PDE10A: variants seen among roughly 807,000 people sequenced by gnomAD.
The protein encoded by PDE10A is phosphodiesterase 10A, also known as cAMP and cAMP-inhibited cGMP 3',5'-cyclic phosphodiesterase 10A.
In PDE10A, 39 loss-of-function variants were observed where a neutral mutation model predicts 97.7. That is an observed-to-expected ratio of 0.40 (90% CI 0.31 to 0.52). The LOEUF (loss-of-function observed/expected upper bound fraction) is 0.52. Ranked by LOEUF, PDE10A falls within the 20% of genes least tolerant of loss-of-function variation. The pLI is 0.56. For synonymous variants in PDE10A, 371 were observed against 376.8 expected, an observed-to-expected ratio of 0.98 and a Z score of 0.18; for missense variants, 731 against 1,047.8, an observed-to-expected ratio of 0.70 and a Z score of 4.17.
intron 1 of PDE10A, among the ~76,000 whole-genome samples, chr6:165,773,488 AAT>A (rs1778073836): frequency 6.6e-6 from 1 of 152,206 alleles, no homozygotes; most frequent in Non-Finnish European, 1.5e-5. Context: ...TAAGCTTGAA[AAT>A]ATATAATTTA....
chr6:165,599,035 C>T (rs1244346036), intron 1 of PDE10A, among the ~76,000 whole-genome samples: 1 of 152,186 alleles, frequency 6.6e-6, no homozygotes, highest in Non-Finnish European at 1.5e-5. Context: ...CCAGATCAGC[C>T]TTAACTGTAA....
chr6:165,958,353 A>G (rs1218736016), intron 1 of PDE10A, among the ~76,000 whole-genome samples: 1 of 151,930 alleles, frequency 6.6e-6, no homozygotes, highest in Non-Finnish European at 1.5e-5. Context: ...CACTTGGCCT[A>G]CAATTTCAAA....
intron 1 of PDE10A, among the ~76,000 whole-genome samples, chr6:165,627,228 T>A (rs1275921121): frequency 2.0e-5 from 3 of 152,236 alleles, no homozygotes; most frequent in African/African-American, 7.2e-5. Context: ...TGTAACATAA[T>A]CTGTATGTAA....
chr6:165,515,491 C>T (rs915513313), intron 2 of PDE10A, among the ~76,000 whole-genome samples: 6 of 114,722 alleles, frequency 5.2e-5, no homozygotes, highest in African/African-American at 1.6e-4. Context: ...TTATAGTATA[C>T]ACACACACAC....
rs1786631582 is a variant in PDE10A at position 165,401,159 on chromosome 6, T to G, written c.2077-4700A>C. 2.0e-5 allele frequency among the ~76,000 whole-genome samples: 3 copies of G among 152,308 alleles called. No homozygotes were observed. The South Asian group carries it at 6.2e-4, about 32-fold the overall frequency. On this transcript the variant is annotated intron_variant, in intron 13 of 21. Transcript: ENST00000539869. ...TACACTTTAAACAGTTGTACGTTATTGTGTATCAATAAACCTCAGTGAAAC... is the reference window on the plus strand; with the variant it reads ...TACACTTTAAACAGTTGTACGTTATGGTGTATCAATAAACCTCAGTGAAAC...
intron 18 of PDE10A, among the ~76,000 whole-genome samples, chr6:165,343,895 A>G (rs1367569298): frequency 6.6e-6 from 1 of 152,184 alleles, no homozygotes; most frequent in Non-Finnish European, 1.5e-5. Flanking sequence ...AATCTATCCC[A>G]ATCCTTTCAT....
In PDE10A at chr6:165,893,230, G is replaced by C. The variant is rs574853825; in HGVS notation, c.-615+94299C>G. Reference sequence around the variant, plus strand: ...AAATCAGGAAATAAGCATCGCTACAGCAATTTTAATGACTGTATAGTCACT... The same window carrying C: ...AAATCAGGAAATAAGCATCGCTACACCAATTTTAATGACTGTATAGTCACT... On this transcript the variant is annotated intron_variant, in intron 1 of 19. Coordinates refer to the PDE10A transcript ENST00000366882. 2.0e-5 allele frequency among the ~76,000 whole-genome samples: 3 copies of C among 152,318 alleles called. No homozygotes were observed. In the South Asian group the frequency reaches 6.2e-4, roughly 32 times the overall value.
intron 1 of PDE10A, among the ~76,000 whole-genome samples, chr6:165,959,425 T>G (rs1012635498): frequency 6.6e-6 from 1 of 152,212 alleles, no homozygotes; most frequent in South Asian, 2.1e-4. Flanking sequence ...TCATGGTGTT[T>G]GGCCATAAAA....
intron 1 of PDE10A, among the ~76,000 whole-genome samples, chr6:165,859,981 C>A (rs1329411466): frequency 2.0e-5 from 3 of 152,224 alleles, no homozygotes; most frequent in Admixed American, 6.5e-5. Context: ...TAAGTGGGAG[C>A]TAAGCCATGA....
chr6:165,501,085 CA>C (rs1313884974), intron 2 of PDE10A, among the ~76,000 whole-genome samples: 7 of 152,172 alleles, frequency 4.6e-5, no homozygotes, highest in Non-Finnish European at 7.4e-5. Flanking sequence ...TGAGGGAACT[CA>C]GAGACCATTG....
rs1790363564 is a variant in PDE10A, at chr6:165,662,888, C to T, written c.-77G>A. On this transcript the variant is annotated 5_prime_UTR_variant, in exon 1 of 22. Coordinates refer to ENST00000539869, the MANE Select transcript of PDE10A (RefSeq NM_001385079.1). The stretch of plus-strand genomic sequence containing the variant: ...GGGCCGGGGCTCGGTGGGCTCCGCC[C>T]CCGCAGGACCTGCCCACCCCTGCCG... Among the ~76,000 whole-genome samples the T allele has an allele frequency of 6.6e-6, 1 of 151,014 alleles. No individual in the cohort carries two copies. The highest frequency in any genetic ancestry group is 1.5e-5 in the Non-Finnish European group (1 of 67,586).
chr6:165,771,518 A>C (rs542044790), intron 1 of PDE10A, among the ~76,000 whole-genome samples: 1 of 152,186 alleles, frequency 6.6e-6, no homozygotes, highest in Admixed American at 6.5e-5. Flanking sequence ...GACACAGAAA[A>C]TCAAACTTCT....
chr6:165,597,219 G>A (rs1321987726), intron 1 of PDE10A, among the ~76,000 whole-genome samples: 2 of 151,740 alleles, frequency 1.3e-5, no homozygotes, highest in Non-Finnish European at 2.9e-5. Context: ...AAAGTTCTTG[G>A]CACATAGTAG....
chr6:165,463,371 T>A (rs1344160533), intron 3 of PDE10A, among the ~76,000 whole-genome samples: 4 of 152,210 alleles, frequency 2.6e-5, no homozygotes, highest in Non-Finnish European at 5.9e-5. Flanking sequence ...ACAAACTGGT[T>A]TTTGGATACA....
chr6:165,424,504 T>C (rs9459417), intron 10 of PDE10A, among the ~76,000 whole-genome samples: 17,573 of 152,222 alleles, frequency 0.12, 1,058 homozygotes, highest in South Asian at 0.15. Flanking sequence ...AATAAGACTC[T>C]AATGGGGTCT....
intron 1 of PDE10A, among the ~76,000 whole-genome samples, chr6:165,757,096 A>G (rs1466189760): frequency 6.6e-6 from 1 of 151,910 alleles, no homozygotes; most frequent in Non-Finnish European, 1.5e-5. Flanking sequence ...CCCTCCCAGT[A>G]GCTGGGATTA....
At chr6:165,811,950 T>C (rs1266775031) in intron 1 of PDE10A, among the ~76,000 whole-genome samples, 1 of 152,166 alleles carries the variant, frequency 6.6e-6, no homozygotes, top group African/African-American at 2.4e-5. Context: ...GCTTCCCGGA[T>C]TCAAGCAGTT....
chr6:165,625,601 G>A (rs1226805980), intron 1 of PDE10A, among the ~76,000 whole-genome samples: 4 of 152,178 alleles, frequency 2.6e-5, no homozygotes, highest in Non-Finnish European at 5.9e-5. Flanking sequence ...GGAGGGACCT[G>A]GTGAGAGGTA....
chr6:165,395,476 A>T (rs1019999054), intron 14 of PDE10A, among the ~76,000 whole-genome samples: 12 of 152,198 alleles, frequency 7.9e-5, no homozygotes, highest in African/African-American at 2.9e-4. Context: ...CCAATATTTG[A>T]GTTATTGATT....
Sources: allele counts gnomAD v4.1 joint callset (sites outside exome capture counted in the v4.1 genomes callset), GRCh38; gene constraint gnomAD v4.1.1; transcripts MANE v1.5; gene names NCBI Gene and HGNC (gene_info 2026-07-23, HGNC 2026-07-21).